RNF6: variants seen among roughly 807,000 people sequenced by gnomAD.
RNF6 encodes the protein E3 ubiquitin-protein ligase RNF6.
Under a neutral mutation model 50.1 loss-of-function variants are expected in RNF6, and 21 were observed. That is an observed-to-expected ratio of 0.42 (90% CI 0.30 to 0.60). RNF6 has a LOEUF of 0.60. RNF6 is among the 20% of genes least tolerant of loss of function. RNF6 has a pLI of 0.20. For missense variants in RNF6, 698 were observed against 838.2 expected (o/e 0.83, Z 2.07); for synonymous variants, 255 against 291.8 (o/e 0.87, Z 1.29).
chr13:26,199,810 G>T lies in RNF6; in HGVS notation n.768+15664C>A, dbSNP rs563700293. Among the ~76,000 whole-genome samples, 3 of 152,268 alleles carry T rather than the reference G, an allele frequency of 2.0e-5. No homozygotes were observed. The East Asian group carries it at 5.8e-4, about 29-fold the overall frequency. On this transcript the variant is annotated intron_variant and non_coding_transcript_variant, in intron 5 of 5. Coordinates refer to the RNF6 transcript ENST00000468480. ...AAGTACAGAAAAAGATAACTCTTAT[G>T]GGTTAAATGTTTGTGTGTCTCCAAA... is the stretch of plus-strand genomic sequence containing the variant.
rs544161837 is a variant in RNF6 at position 26,198,704 on chromosome 13, C to G, written n.768+16770G>C. Among the ~76,000 whole-genome samples, 4 of 151,988 alleles carry G rather than the reference C, an allele frequency of 2.6e-5. No individual in the cohort carries two copies. In the South Asian group the frequency reaches 8.3e-4, roughly 32 times the overall value. Reference sequence around the variant, plus strand: ...ATTGAAAAGGAAAAAGCAAAAGTATCTTGATTTGCATATAGCATTCAGTAC... The same window carrying G: ...ATTGAAAAGGAAAAAGCAAAAGTATGTTGATTTGCATATAGCATTCAGTAC... On this transcript the variant is annotated intron_variant and non_coding_transcript_variant, in intron 5 of 5. Transcript: ENST00000468480.
In RNF6 at chr13:26,222,202, G is replaced by A. The variant is rs1255444823; in HGVS notation, c.-301C>T. ...CAGCGTGGGGTCGTCCAGCTGGAGG[G>A]GATACTCGGGAGGAAGAACGGCAGG... On this transcript the variant is annotated 5_prime_UTR_variant, in exon 1 of 5. Transcript: ENST00000381588. The A allele has an allele frequency of 6.6e-6, 1 of 152,352 alleles. No individual in the cohort carries two copies. The highest frequency in any genetic ancestry group is 2.4e-5 in the African/African-American group (1 of 41,474). The allele number at this position is 152,352 out of a possible 1,614,324, so 9.4% of individuals were successfully genotyped here.
chr13:26,174,792 T>C (rs999401915), intron 5 of RNF6, among the ~76,000 whole-genome samples: 2 of 152,044 alleles, frequency 1.3e-5, no homozygotes, highest in Non-Finnish European at 2.9e-5. Flanking sequence ...CCTTGTAAAA[T>C]CCTGGCAGTT....
intron 5 of RNF6, among the ~76,000 whole-genome samples, chr13:26,186,719 G>A (rs1371048403): frequency 6.6e-6 from 1 of 152,194 alleles, no homozygotes; most frequent in Non-Finnish European, 1.5e-5. Context: ...GATCCCGGGG[G>A]CGCTAGAGCG....
At chr13:26,200,325 T>A (rs535457265) in intron 5 of RNF6, among the ~76,000 whole-genome samples, 1 of 152,244 alleles carries the variant, frequency 6.6e-6, no homozygotes, top group South Asian at 2.1e-4. Flanking sequence ...GGAATTCTCA[T>A]CCCAGGCTTG....
intron 5 of RNF6, among the ~76,000 whole-genome samples, chr13:26,169,060 G>A (rs1428980341): frequency 6.6e-6 from 1 of 152,166 alleles, no homozygotes; most frequent in Non-Finnish European, 1.5e-5. Context: ...GATGTCAGCT[G>A]TGTTGGGTAC....
chr13:26,219,811 T>G, intron 2 of RNF6, 144 bp from the exon 3 acceptor site: 2 of 664,988 alleles, frequency 3.0e-6, no homozygotes, highest in South Asian at 4.3e-5. Flanking sequence ...AGTGAGAAGC[T>G]TACATATAAA....
chr13:26,139,692 T>C (rs1019387024), intron 5 of RNF6, among the ~76,000 whole-genome samples: 1 of 152,240 alleles, frequency 6.6e-6, no homozygotes, highest in Non-Finnish European at 1.5e-5. Flanking sequence ...GGTATATTTC[T>C]GCATATATTT....
chr13:26,152,978 C>T (rs1048159941), intron 5 of RNF6, among the ~76,000 whole-genome samples: 1 of 151,900 alleles, frequency 6.6e-6, no homozygotes, highest in African/African-American at 2.4e-5. Context: ...CATGGCAAAA[C>T]CCTGTCTCTA....
Position 26,168,705 on chromosome 13 carries a change from A to G in RNF6, n.769-36254T>C, listed in dbSNP as rs527945767. Among the ~76,000 whole-genome samples the G allele has an allele frequency of 3.1e-4, 47 of 152,370 alleles. No individual in the cohort carries two copies. In the South Asian group the frequency reaches 9.5e-3, roughly 31 times the overall value. Reference sequence around the variant, plus strand: ...AGCAAGAAGGCACAGAGCATTACACAGAAATGCAAACAAAGGCAGACTCTG... The same window carrying G: ...AGCAAGAAGGCACAGAGCATTACACGGAAATGCAAACAAAGGCAGACTCTG... On this transcript the variant is annotated intron_variant and non_coding_transcript_variant, in intron 5 of 5. Coordinates refer to the RNF6 transcript ENST00000468480.
intron 5 of RNF6, among the ~76,000 whole-genome samples, chr13:26,190,965 A>G (rs1168838634): frequency 6.6e-6 from 1 of 152,228 alleles, no homozygotes; most frequent in Non-Finnish European, 1.5e-5. Flanking sequence ...ATGTCGGAAT[A>G]GAGTGACCAT....
At chr13:26,201,504 G>C (rs1868897165) in intron 5 of RNF6, among the ~76,000 whole-genome samples, 1 of 152,134 alleles carries the variant, frequency 6.6e-6, no homozygotes, top group Non-Finnish European at 1.5e-5. Context: ...TTGGGGGAGG[G>C]GAGGAAGGAG....
chr13:26,219,687 A>G lies in RNF6; in HGVS notation c.-18-20T>C, dbSNP rs1245448572. 6.3e-7 allele frequency: 1 copy of G among 1,598,438 alleles called. No individual in the cohort carries two copies. The highest frequency in any genetic ancestry group is 1.1e-5 in the South Asian group (1 of 89,522). On this transcript the variant is annotated intron_variant, in intron 2 of 4. Transcript: ENST00000381588. The stretch of plus-strand genomic sequence containing the variant: ...GGCTTTCTGTTCAAACAATATAAAC[A>G]ACATTCAAGGTGTTAAGTCATGGAC...
chr13:26,200,137 T>C (rs11618995), intron 5 of RNF6, among the ~76,000 whole-genome samples: 54,158 of 152,078 alleles, frequency 0.36, 10,501 homozygotes, highest in African/African-American at 0.5. Flanking sequence ...TATTTGCTGT[T>C]TGTAAGATAC....
intron 5 of RNF6, among the ~76,000 whole-genome samples, chr13:26,174,055 T>C (rs1158603072): frequency 6.6e-6 from 1 of 152,120 alleles, no homozygotes; most frequent in African/African-American, 2.4e-5. Flanking sequence ...TTGAATTCCA[T>C]GTACACACTT....
intron 5 of RNF6, among the ~76,000 whole-genome samples, chr13:26,148,630 CT>C (rs200551709): frequency 0.025 from 266 of 10,522 alleles, 4 homozygotes; most frequent in East Asian, 0.15. Context: ...GTATAAATCT[CT>C]TTATATATAT....
intron 5 of RNF6, among the ~76,000 whole-genome samples, chr13:26,206,835 C>T (rs1267460378): frequency 6.6e-6 from 1 of 151,890 alleles, no homozygotes; most frequent in Non-Finnish European, 1.5e-5. Flanking sequence ...TGAAGAAGCA[C>T]ATAGATGGGG....
At chr13:26,192,362 G>T (rs1050335186) in intron 5 of RNF6, among the ~76,000 whole-genome samples, 1 of 152,182 alleles carries the variant, frequency 6.6e-6, no homozygotes, top group African/African-American at 2.4e-5. Flanking sequence ...AATAGAATTT[G>T]CTCATGGATT....
intron 5 of RNF6, among the ~76,000 whole-genome samples, chr13:26,161,459 G>A (rs1237287311): frequency 1.3e-5 from 2 of 152,100 alleles, no homozygotes; most frequent in East Asian, 1.9e-4. Context: ...AGAATATGAA[G>A]TCTCTTCATT....
Sources: allele counts gnomAD v4.1 joint callset (sites outside exome capture counted in the v4.1 genomes callset), GRCh38; gene constraint gnomAD v4.1.1; transcripts MANE v1.5; gene names NCBI Gene and HGNC (gene_info 2026-07-23, HGNC 2026-07-21).